The following CDH8 variants were observed in gnomAD, a reference collection of about 807,000 sequenced individuals.
CDH8 encodes cadherin 8, also known as cadherin-8.
A neutral mutation model predicts 68.1 loss-of-function variants in CDH8; 17 were observed. The ratio of observed to expected loss-of-function variants is 0.25; its 90% CI spans 0.17 to 0.37. The LOEUF (loss-of-function observed/expected upper bound fraction) is 0.37, where lower values mean the gene tolerates loss of function less well. Among genes scored for constraint, CDH8 ranks in the 10% least tolerant of loss-of-function variants. The probability of loss-of-function intolerance (pLI) is 1.00; values close to 1 mark genes in which losing one functional copy is unlikely to be tolerated. For synonymous variants in CDH8, 372 were observed against 365.1 expected (o/e 1.02, Z -0.21); for missense variants, 763 against 999.3 (o/e 0.76, Z 3.19).
chr16:61,687,640 A>C (rs2142821190), intron 10 of CDH8, among the ~76,000 whole-genome samples: 1 of 152,188 alleles, frequency 6.6e-6, no homozygotes, highest in South Asian at 2.1e-4. Flanking sequence ...ATCTGCTATA[A>C]GAAACACCTA....
intron 10 of CDH8, chr16:61,711,686 A>C (rs559804796): frequency 6.6e-6 from 1 of 151,782 alleles, no homozygotes; most frequent in Admixed American, 6.6e-5. Context: ...AACTTTATAT[A>C]TCTATTTCAA....
At chr16:61,781,337 G>A (rs1961047824) in intron 8 of CDH8, among the ~76,000 whole-genome samples, 1 of 152,162 alleles carries the variant, frequency 6.6e-6, no homozygotes, top group Non-Finnish European at 1.5e-5. Context: ...ATGGGCCTTG[G>A]TTGTGGATCC....
chr16:61,917,580 C>G (rs1249085751), intron 2 of CDH8, among the ~76,000 whole-genome samples: 1 of 152,148 alleles, frequency 6.6e-6, no homozygotes, highest in East Asian at 1.9e-4. Context: ...ATAGGCTCAT[C>G]ATGAATCCTA....
chr16:61,675,630 A>AATAAAT (rs1555501745), intron 10 of CDH8, among the ~76,000 whole-genome samples: 4 of 148,344 alleles, frequency 2.7e-5, no homozygotes, highest in African/African-American at 9.9e-5. Flanking sequence ...AAAAAAATAA[A>AATAAAT]AAAAAATAAA....
chr16:61,817,490 G>A lies in CDH8; in HGVS notation c.1266C>T (p.Ser422=). 6.2e-7 allele frequency: 1 copy of A among 1,613,896 alleles called. No individual in the cohort carries two copies. Among genetic ancestry groups the A allele is most frequent in the African/African-American group, 1.3e-5 (1 of 75,000 alleles). The change falls in exon 7 of 12, where the codon TCC becomes TCT. Residue 422 remains serine (S), a synonymous_variant. Coordinates refer to ENST00000577390, the MANE Select transcript of CDH8 (RefSeq NM_001796.5). ...QVTARDPDIT[S]SPIRFSIDRH... is the part of the protein sequence containing the mutation. ...TAAAATAAAAATACCTTATAGGACT[G>A]GAAGTGATATCAGGGTCACGAGCAG...
intron 2 of CDH8, among the ~76,000 whole-genome samples, chr16:61,993,262 A>G (rs888279756): frequency 6.6e-6 from 1 of 152,152 alleles, no homozygotes; most frequent in African/African-American, 2.4e-5. Flanking sequence ...ATTAACTGAA[A>G]TTGGAGACAG....
At chr16:61,888,006 C>A (rs1033392891) in intron 3 of CDH8, among the ~76,000 whole-genome samples, 1 of 152,042 alleles carries the variant, frequency 6.6e-6, no homozygotes, top group African/African-American at 2.4e-5. Flanking sequence ...CTATATTGCC[C>A]TAGTTACTTC....
chr16:61,866,116 T>G (rs1963248709), intron 3 of CDH8, among the ~76,000 whole-genome samples: 1 of 147,540 alleles, frequency 6.8e-6, no homozygotes, highest in African/African-American at 2.5e-5. Context: ...ACCAGCTACT[T>G]GGGAGGCTGA....
At chr16:62,012,908 C>A (rs1383189664) in intron 2 of CDH8, among the ~76,000 whole-genome samples, 1 of 152,000 alleles carries the variant, frequency 6.6e-6, no homozygotes, top group Non-Finnish European at 1.5e-5. Context: ...GGGGAAATCT[C>A]CACATCAAAA....
chr16:61,650,453 T>A lies in CDH8; in HGVS notation c.*3155A>T, dbSNP rs759835743. 6.6e-6 allele frequency: 1 copy of A among 152,154 alleles called. No individual in the cohort carries two copies. The highest frequency in any genetic ancestry group is 2.4e-5 in the African/African-American group (1 of 41,440). 9.4% of individuals were successfully genotyped at this position (152,154 alleles called of 1,614,324 possible). ...GCAGAGAGTACTCTTGTTTCTGCTA[T>A]GTCAATGTTGATGAAACAGACAACA... On this transcript the variant is annotated 3_prime_UTR_variant, in exon 12 of 12. Transcript: ENST00000577390.
chr16:61,829,081 C>T (rs1962400732), intron 4 of CDH8, among the ~76,000 whole-genome samples: 1 of 151,846 alleles, frequency 6.6e-6, no homozygotes, highest in African/African-American at 2.4e-5. Context: ...CAATTAACTC[C>T]TTTACTTTCT....
At chr16:61,774,459 GAAAAAAAA>G (rs11318433) in intron 8 of CDH8, among the ~76,000 whole-genome samples, 1 of 123,190 alleles carries the variant, frequency 8.1e-6, no homozygotes, top group East Asian at 2.4e-4. Context: ...ATCACTCAGG[GAAAAAAAA>G]AAAAAAAAAA....
At chr16:61,975,736 A>G (rs1200164727) in intron 2 of CDH8, among the ~76,000 whole-genome samples, 1 of 152,156 alleles carries the variant, frequency 6.6e-6, no homozygotes, top group Non-Finnish European at 1.5e-5. Context: ...ATCTGATCCT[A>G]CACTTACAAA....
At chr16:61,775,572 T>G (rs567976786) in intron 8 of CDH8, among the ~76,000 whole-genome samples, 43 of 152,264 alleles carry the variant, frequency 2.8e-4, no homozygotes, top group African/African-American at 9.9e-4. Flanking sequence ...TCAAACTGGA[T>G]GCAAATAAAG....
At chr16:61,862,488 T>A (rs1000668397) in intron 3 of CDH8, among the ~76,000 whole-genome samples, 4 of 152,178 alleles carry the variant, frequency 2.6e-5, no homozygotes, top group Non-Finnish European at 4.4e-5. Context: ...TATTTCTGCC[T>A]GATGTCTGGC....
At chr16:61,656,261 C>T in intron 10 of CDH8, among the ~76,000 whole-genome samples, 1 of 152,148 alleles carries the variant, frequency 6.6e-6, no homozygotes, top group South Asian at 2.1e-4. Flanking sequence ...TTACCGTCAT[C>T]ACCTTAAAAA....
At chr16:61,777,458 G>C (rs1403608208) in intron 8 of CDH8, among the ~76,000 whole-genome samples, 1 of 152,120 alleles carries the variant, frequency 6.6e-6, no homozygotes, top group African/African-American at 2.4e-5. Flanking sequence ...ACAAGGGCAA[G>C]ATGTAGGTAT....
chr16:62,000,386 C>T (rs1023202321), intron 2 of CDH8, among the ~76,000 whole-genome samples: 1 of 152,100 alleles, frequency 6.6e-6, no homozygotes, highest in African/African-American at 2.4e-5. Flanking sequence ...CACTGTCTTC[C>T]ATAATGGTTG....
At chr16:61,760,360 G>T (rs1352918678) in intron 8 of CDH8, among the ~76,000 whole-genome samples, 1 of 151,482 alleles carries the variant, frequency 6.6e-6, no homozygotes, top group African/African-American at 2.4e-5. Flanking sequence ...CGCCCAAGCT[G>T]GAGTGCAGTG....
Sources: allele counts gnomAD v4.1 joint callset (sites outside exome capture counted in the v4.1 genomes callset), GRCh38; gene constraint gnomAD v4.1.1; transcripts MANE v1.5; gene names NCBI Gene and HGNC (gene_info 2026-07-23, HGNC 2026-07-21).